The following SHROOM4 variants were observed in gnomAD, a reference collection of about 807,000 sequenced individuals.
SHROOM4 encodes shroom family member 4, also known as protein Shroom4.
A neutral mutation model predicts 80.3 loss-of-function variants in SHROOM4; 17 were observed. The observed-to-expected ratio is 0.21, with a 90% CI of 0.14 to 0.32. The LOEUF is 0.32. Among genes scored for constraint, SHROOM4 ranks in the 10% least tolerant of loss-of-function variants. SHROOM4 has a pLI of 1.00. For missense variants in SHROOM4, 993 were observed against 1,140.3 expected, an observed-to-expected ratio of 0.87 and a Z score of 1.86; for synonymous variants, 400 against 437.5, an observed-to-expected ratio of 0.91 and a Z score of 1.07.
chrX:50,575,539 T>C, the SHROOM4 span, among the ~76,000 whole-genome samples: 1 of 111,625 alleles, frequency 9.0e-6, no homozygotes, highest in African/African-American at 3.2e-5. Context: ...TTATATTCTG[T>C]ATGCCTTTTA....
At chrX:50,632,544 C>T (rs1557254315) in intron 4 of SHROOM4, among the ~76,000 whole-genome samples, 1 of 111,901 alleles carries the variant, frequency 8.9e-6, no homozygotes, top group African/African-American at 3.3e-5. Flanking sequence ...CAGTTTAGAC[C>T]TGGGTCTCCA....
chrX:50,679,667 C>T (rs1356848380), intron 2 of SHROOM4, among the ~76,000 whole-genome samples: 2 of 111,376 alleles, frequency 1.8e-5, no homozygotes. Context: ...ATATCCATCA[C>T]CCAAACATTT....
chrX:50,804,529 G>A (rs1168588049), intron 1 of SHROOM4, among the ~76,000 whole-genome samples: 2 of 111,610 alleles, frequency 1.8e-5, no homozygotes, highest in Non-Finnish European at 3.8e-5. Flanking sequence ...TTTCACCTGT[G>A]TAAACACACT....
At chrX:50,707,692 T>C (rs1426833784) in intron 1 of SHROOM4, among the ~76,000 whole-genome samples, 3 of 102,596 alleles carry the variant, frequency 2.9e-5, no homozygotes, top group Non-Finnish European at 5.9e-5. Flanking sequence ...AGTGACACTC[T>C]CATACAAATG....
At chrX:50,749,170 C>T (rs1307068206) in intron 1 of SHROOM4, among the ~76,000 whole-genome samples, 11 of 112,283 alleles carry the variant, frequency 9.8e-5, no homozygotes, top group Non-Finnish European at 1.9e-4. Flanking sequence ...CGTGATCACA[C>T]CATTGCACTT....
At chrX:50,797,010 T>C (rs1485495088) in intron 1 of SHROOM4, among the ~76,000 whole-genome samples, 3 of 88,624 alleles carry the variant, frequency 3.4e-5, no homozygotes, top group African/African-American at 1.3e-4. Context: ...GATCTCATCG[T>C]TGCTTTCTTG....
At chrX:50,725,281 A>C (rs1235666217) in intron 1 of SHROOM4, among the ~76,000 whole-genome samples, 1 of 112,158 alleles carries the variant, frequency 8.9e-6, no homozygotes, top group Non-Finnish European at 1.9e-5. Context: ...GCTGCAGCTA[A>C]GTGGACTGGG....
intron 2 of SHROOM4, among the ~76,000 whole-genome samples, chrX:50,660,528 C>T (rs1389120003): frequency 9.6e-5 from 3 of 31,408 alleles, no homozygotes. Context: ...CTCTCTCTCT[C>T]CCTCCCTCCC....
intron 4 of SHROOM4, among the ~76,000 whole-genome samples, chrX:50,628,967 T>C (rs1386271751): frequency 8.9e-6 from 1 of 111,784 alleles, no homozygotes; most frequent in Admixed American, 9.5e-5. Flanking sequence ...CTCGATGCCC[T>C]TGTGAGACGT....
chrX:50,712,507 A>G (rs1253527652), intron 1 of SHROOM4, among the ~76,000 whole-genome samples: 1 of 112,093 alleles, frequency 8.9e-6, no homozygotes, highest in African/African-American at 3.2e-5. Flanking sequence ...TGATGTGATT[A>G]TTTCACATTG....
At chrX:50,731,689 A>G (rs1934375142) in intron 1 of SHROOM4, among the ~76,000 whole-genome samples, 1 of 111,955 alleles carries the variant, frequency 8.9e-6, no homozygotes, top group Admixed American at 9.5e-5. Flanking sequence ...TGTGAAAGTC[A>G]TGCACAAAGT....
At chrX:50,713,947 A>C (rs1209190516) in intron 1 of SHROOM4, among the ~76,000 whole-genome samples, 5 of 111,685 alleles carry the variant, frequency 4.5e-5, no homozygotes, top group African/African-American at 1.6e-4. Context: ...TTATAGTTTC[A>C]GGTCTTATGT....
intron 1 of SHROOM4, among the ~76,000 whole-genome samples, chrX:50,697,554 T>C (rs1933403207): frequency 9.0e-6 from 1 of 111,043 alleles, no homozygotes; most frequent in Non-Finnish European, 1.9e-5. Context: ...CAGAATGTTA[T>C]TACATTTATT....
At chrX:50,795,139 TATATATG>T (rs1456514366) in intron 1 of SHROOM4, among the ~76,000 whole-genome samples, 7 of 2,179 alleles carry the variant, frequency 3.2e-3, no homozygotes, top group African/African-American at 5.2e-3. Context: ...TATATATATA[TATATATG>T]ATATATATAT....
intron 1 of SHROOM4, among the ~76,000 whole-genome samples, chrX:50,809,711 GA>G (rs1259223187): frequency 8.9e-6 from 1 of 112,225 alleles, no homozygotes; most frequent in Non-Finnish European, 1.9e-5. Flanking sequence ...CACTATGCCA[GA>G]TAGAAACATC....
chrX:50,612,482 T>C (rs1207084552), intron 5 of SHROOM4, among the ~76,000 whole-genome samples: 1 of 111,822 alleles, frequency 8.9e-6, no homozygotes, highest in Non-Finnish European at 1.9e-5. Flanking sequence ...CAATGTTATT[T>C]ACATTTTCTA....
intron 2 of SHROOM4, among the ~76,000 whole-genome samples, chrX:50,670,247 T>C (rs1487136239): frequency 9.1e-6 from 1 of 110,289 alleles, no homozygotes; most frequent in Non-Finnish European, 1.9e-5. Context: ...CTCCTGATGC[T>C]ATCCCTCCCC....
intron 1 of SHROOM4, among the ~76,000 whole-genome samples, chrX:50,730,856 A>T (rs1430813099): frequency 9.0e-6 from 1 of 111,443 alleles, no homozygotes; most frequent in Non-Finnish European, 1.9e-5. Context: ...AATACATATG[A>T]CAATAACACC....
At chrX:50,641,983 G>A (rs1308611473) in intron 2 of SHROOM4, among the ~76,000 whole-genome samples, 1 of 112,319 alleles carries the variant, frequency 8.9e-6, no homozygotes, top group East Asian at 2.8e-4. Flanking sequence ...AGGGAAGTGG[G>A]GGCTTTTAGG....
Sources: gnomAD v4.1 joint callset for allele counts (sites outside exome capture counted in the v4.1 genomes callset) on GRCh38, gnomAD v4.1.1 for gene constraint, MANE v1.5 for transcripts, NCBI Gene and HGNC (gene_info 2026-07-23, HGNC 2026-07-21) for gene names.